Variants in NRG1 observed in about 807,000 individuals in gnomAD.
NRG1 encodes the protein pro-neuregulin-1, membrane-bound isoform.
NRG1 carries 18 observed loss-of-function variants against 63.8 expected under a neutral mutation model. That is an observed-to-expected ratio of 0.28 (90% CI 0.19 to 0.42). NRG1 has a LOEUF of 0.42. Among genes scored for constraint, NRG1 ranks in the 10% least tolerant of loss-of-function variants. The pLI is 1.00. For missense variants in NRG1, 762 were observed against 814.7 expected (o/e 0.94, Z 0.79); for synonymous variants, 302 against 301.3 (o/e 1.00, Z -0.02).
intron 1 of NRG1, among the ~76,000 whole-genome samples, chr8:31,804,781 G>T (rs1263508817): frequency 2.0e-5 from 3 of 152,154 alleles, no homozygotes; most frequent in Non-Finnish European, 4.4e-5. Flanking sequence ...TTTACTTGTG[G>T]TCAACTGATT....
chr8:32,469,312 A>G (rs1210899816), intron 1 of NRG1, among the ~76,000 whole-genome samples: 1 of 152,232 alleles, frequency 6.6e-6, no homozygotes, highest in Non-Finnish European at 1.5e-5. Flanking sequence ...GAAGTCAAGA[A>G]GACAGTGAAG....
At chr8:32,723,790 A>G (rs994871534) in intron 5 of NRG1, among the ~76,000 whole-genome samples, 1 of 150,558 alleles carries the variant, frequency 6.6e-6, no homozygotes, top group Non-Finnish European at 1.5e-5. Flanking sequence ...AAGGAAAGAA[A>G]GAAGGGAGGG....
chr8:32,693,967 A>T (rs1375627153), intron 5 of NRG1, among the ~76,000 whole-genome samples: 1 of 152,152 alleles, frequency 6.6e-6, no homozygotes, highest in Non-Finnish European at 1.5e-5. Context: ...GCACATAATG[A>T]TGCATACCTC....
chr8:32,065,647 C>T (rs1408777742), intron 1 of NRG1, among the ~76,000 whole-genome samples: 1 of 152,180 alleles, frequency 6.6e-6, no homozygotes, highest in Non-Finnish European at 1.5e-5. Flanking sequence ...TATAAACATA[C>T]CTGTGCATGG....
chr8:31,924,599 C>T, intron 1 of NRG1, among the ~76,000 whole-genome samples: 1 of 127,596 alleles, frequency 7.8e-6, no homozygotes, highest in African/African-American at 3.0e-5. Flanking sequence ...ACACTTTTTT[C>T]TGTTTTATAA....
chr8:32,280,633 C>T (rs1852602104), intron 1 of NRG1, among the ~76,000 whole-genome samples: 1 of 135,834 alleles, frequency 7.4e-6, no homozygotes, highest in South Asian at 2.4e-4. Flanking sequence ...ATTCTGGATA[C>T]AGATGCTCAC....
chr8:32,117,383 A>G (rs1832874688), intron 1 of NRG1, among the ~76,000 whole-genome samples: 1 of 152,124 alleles, frequency 6.6e-6, no homozygotes, highest in Non-Finnish European at 1.5e-5. Context: ...TGTCGAATTT[A>G]CTTTCCATGC....
At chr8:32,695,782 A>C (rs1813149278) in intron 5 of NRG1, among the ~76,000 whole-genome samples, 1 of 152,230 alleles carries the variant, frequency 6.6e-6, no homozygotes, top group Non-Finnish European at 1.5e-5. Context: ...AGGTGCTTAC[A>C]AATGAGAGTA....
intron 1 of NRG1, among the ~76,000 whole-genome samples, chr8:31,643,754 C>A (rs1319651142): frequency 6.6e-6 from 1 of 152,192 alleles, no homozygotes; most frequent in East Asian, 1.9e-4. Context: ...CCGATTAAAT[C>A]TCTATTATTC....
intron 1 of NRG1, among the ~76,000 whole-genome samples, chr8:32,098,167 C>A (rs564454393): frequency 3.0e-4 from 43 of 145,614 alleles, no homozygotes; most frequent in Admixed American, 2.7e-3. Context: ...GCATTTCAGG[C>A]TAGAGAAAGT....
chr8:31,677,344 GTCTA>G (rs762005310), intron 1 of NRG1, among the ~76,000 whole-genome samples: 81 of 151,454 alleles, frequency 5.3e-4, no homozygotes, highest in Non-Finnish European at 1.0e-3. Context: ...ATCTATCTAT[GTCTA>G]TCTATTGATA....
chr8:32,622,561 C>A (rs950539668), intron 5 of NRG1, among the ~76,000 whole-genome samples: 3 of 152,014 alleles, frequency 2.0e-5, no homozygotes, highest in African/African-American at 7.2e-5. Flanking sequence ...TGCCACCACA[C>A]CTGAGTAATG....
chr8:32,663,311 C>G (rs1441863062), intron 5 of NRG1, among the ~76,000 whole-genome samples: 2 of 152,156 alleles, frequency 1.3e-5, no homozygotes, highest in Admixed American at 1.3e-4. Context: ...ACTTTCCTCT[C>G]TTTCCTCTAG....
intron 1 of NRG1, among the ~76,000 whole-genome samples, chr8:32,523,827 A>G (rs1037081615): frequency 2.0e-5 from 3 of 152,156 alleles, no homozygotes; most frequent in African/African-American, 7.2e-5. Context: ...TGGGAGACAG[A>G]GTGAGGCTCT....
chr8:32,058,521 A>G (rs1823336719), intron 1 of NRG1, among the ~76,000 whole-genome samples: 3 of 151,974 alleles, frequency 2.0e-5, no homozygotes, highest in Non-Finnish European at 2.9e-5. Flanking sequence ...CTCTTGCTCT[A>G]TTTTCCTCAG....
chr8:32,170,040 T>C (rs1014617690), intron 1 of NRG1, among the ~76,000 whole-genome samples: 1 of 152,212 alleles, frequency 6.6e-6, no homozygotes, highest in Non-Finnish European at 1.5e-5. Flanking sequence ...GAATTATGTA[T>C]CTACAAGCCA....
intron 1 of NRG1, among the ~76,000 whole-genome samples, chr8:32,468,582 A>C (rs17716671): frequency 0.11 from 16,002 of 152,176 alleles, 1,206 homozygotes; most frequent in Admixed American, 0.24. Context: ...TTTCCTTAAA[A>C]TATAAACTTA....
intron 1 of NRG1, among the ~76,000 whole-genome samples, chr8:32,292,484 T>A (rs1470764920): frequency 6.6e-6 from 1 of 152,208 alleles, no homozygotes; most frequent in South Asian, 2.1e-4. Context: ...ATTACTACAG[T>A]TGAAGAGGTT....
At chr8:32,250,885 T>G (rs1340188206) in intron 1 of NRG1, among the ~76,000 whole-genome samples, 3 of 152,082 alleles carry the variant, frequency 2.0e-5, no homozygotes, top group African/African-American at 7.2e-5. Flanking sequence ...TTTGCAGACA[T>G]GTATACTTAT....
Sources: gnomAD v4.1 joint callset for allele counts (sites outside exome capture counted in the v4.1 genomes callset) on GRCh38, gnomAD v4.1.1 for gene constraint, MANE v1.5 for transcripts, NCBI Gene and HGNC (gene_info 2026-07-23, HGNC 2026-07-21) for gene names.